Variants in TARS1 observed in about 807,000 individuals in gnomAD.
The protein encoded by TARS1 is threonyl-tRNA synthetase 1.
TARS1 carries 57 observed loss-of-function variants against 97.7 expected under a neutral mutation model. That is an observed-to-expected ratio of 0.58 (90% CI 0.47 to 0.73). The LOEUF is 0.73. TARS1 is among the 30% of genes least tolerant of loss of function. The pLI, the probability that TARS1 is intolerant of heterozygous loss-of-function variation, is 0.00. For missense variants in TARS1, 806 were observed against 888.3 expected, an observed-to-expected ratio of 0.91 and a Z score of 1.18; for synonymous variants, 312 against 293.7, an observed-to-expected ratio of 1.06 and a Z score of -0.64.
At chr5:33,462,841 T>A (rs1260470813) in intron 16 of TARS1, among the ~76,000 whole-genome samples, 2 of 152,130 alleles carry the variant, frequency 1.3e-5, no homozygotes, top group East Asian at 1.9e-4. Context: ...TCATATTGAT[T>A]TAAAACTTTT....
chr5:33,462,328 CAA>C (rs1486136702), intron 16 of TARS1, 125 bp downstream of exon 16: 6 of 822,006 alleles, frequency 7.3e-6, no homozygotes, highest in African/African-American at 3.4e-5. Flanking sequence ...TAACTAACGA[CAA>C]GTGTTCATTA....
chr5:33,451,125 A>G (rs1226001934), intron 3 of TARS1, among the ~76,000 whole-genome samples: 1 of 152,190 alleles, frequency 6.6e-6, no homozygotes, highest in Admixed American at 6.5e-5. Context: ...AGGGAAAAAA[A>G]TAAAAGGTTG....
In TARS1 at chr5:33,455,014, T is replaced by C; in HGVS notation, c.523T>C (p.Tyr175His). Residue 175 changes from tyrosine to histidine, a missense_variant, in exon 5 of 19, where the codon TAC (tyrosine) becomes CAC (histidine). By Grantham distance (83) the Tyr-to-His change is moderately conservative. Around this residue, in one of 3 missense-constraint regions of TARS1, gnomAD observed 356 missense variants for 357.8 expected, o/e 0.99. Coordinates refer to ENST00000265112, the MANE Select transcript of TARS1 (RefSeq NM_152295.5). ...MERVYGGCLCYGPPIENGFYY... is the reference protein window; with the variant it reads ...MERVYGGCLCHGPPIENGFYY... ...AAGAGTCTATGGTGGATGTTTATGC[T>C]ACGGTCCGCCAATAGAAAATGGATT... The C allele has an allele frequency of 6.2e-7, 1 of 1,613,856 alleles. No individual in the cohort carries two copies. The highest frequency in any genetic ancestry group is 8.5e-7 in the Non-Finnish European group (1 of 1,179,892).
intron 1 of TARS1, 83 bp downstream of exon 1, chr5:33,441,226 A>G: frequency 6.4e-7 from 1 of 1,550,558 alleles, no homozygotes; most frequent in Non-Finnish European, 8.9e-7. Flanking sequence ...AGCGGGGGGC[A>G]GGAAGCAGGA....
At chr5:33,449,452 T>A (rs1428115819) in intron 3 of TARS1, among the ~76,000 whole-genome samples, 1 of 118,904 alleles carries the variant, frequency 8.4e-6, no homozygotes, top group African/African-American at 3.9e-5. Context: ...TTTCTTTTTT[T>A]TTTTTTTTTT....
chr5:33,457,206 T>TGA, intron 8 of TARS1, 51 bp from the exon 9 acceptor site: 1 of 1,592,180 alleles, frequency 6.3e-7, no homozygotes, highest in Non-Finnish European at 8.6e-7. Context: ...TTAAAATAAG[T>TGA]GAGATGTTTA....
At chr5:33,466,459 T>C (rs1742532543) in intron 17 of TARS1, among the ~76,000 whole-genome samples, 1 of 152,216 alleles carries the variant, frequency 6.6e-6, no homozygotes, top group African/African-American at 2.4e-5. Flanking sequence ...CTTTCAGGTG[T>C]TGATCGTGTG....
At position 33,458,668 on chromosome 5, in the gene TARS1, A is replaced by T. The variant is rs778929434; in HGVS notation, c.1083+4A>T. 2.5e-6 allele frequency: 4 copies of T among 1,600,976 alleles called. No individual in the cohort carries two copies. Among genetic ancestry groups the T allele is most frequent in the Non-Finnish European group, 3.4e-6 (4 of 1,173,048 alleles). ...TGCACTTATTGAATTCATTAGGGTAAGTCATATTTATTGCTTTCTTCTTTA... is the reference window on the plus strand; with the variant it reads ...TGCACTTATTGAATTCATTAGGGTATGTCATATTTATTGCTTTCTTCTTTA... On this transcript the variant is annotated splice_donor_region_variant and intron_variant, in intron 10 of 18. Coordinates refer to ENST00000265112, the MANE Select transcript of TARS1 (RefSeq NM_152295.5).
Position 33,445,345 on chromosome 5 carries a change from C to T in TARS1, c.79C>T (p.Gln27Ter). 3 of 1,612,514 alleles carry T rather than the reference C, an allele frequency of 1.9e-6. No individual in the cohort carries two copies. The highest frequency in any genetic ancestry group is 1.7e-6 in the Non-Finnish European group (2 of 1,179,096). The change falls in exon 2 of 19, where the codon CAA becomes TAA. Residue 27 changes from glutamine (Q) to a stop codon, truncating the protein, a stop_gained. Transcript: ENST00000265112. LOFTEE classifies it high-confidence loss of function. ...TTAGATTGGTGCTGGTGAAGAGAAGCAAAAGGAAGGAGGCAAAAAGAAGAA... is the reference window on the plus strand; with the variant it reads ...TTAGATTGGTGCTGGTGAAGAGAAGTAAAAGGAAGGAGGCAAAAAGAAGAA... ...EKPIGAGEEK[Q>*]KEGGKKKNKE...
At position 33,461,390 on chromosome 5, in the gene TARS1, A is replaced by G. The variant is rs1332526435; in HGVS notation, c.1551+95A>G. Reference sequence around the variant, plus strand: ...CAAGCCTCTTTAAATGGATAAAAGCAAAATGAAATTGGAAATGGTTCCTAG... The same window carrying G: ...CAAGCCTCTTTAAATGGATAAAAGCGAAATGAAATTGGAAATGGTTCCTAG... On this transcript the variant is annotated intron_variant, in intron 13 of 18. Transcript: ENST00000265112. 7 of 1,487,928 alleles carry G rather than the reference A, an allele frequency of 4.7e-6. No homozygotes were observed. In the East Asian group the frequency reaches 1.4e-4, roughly 29 times the overall value. 92.2% of individuals were successfully genotyped at this position (1,487,928 alleles called of 1,614,324 possible). A position where few individuals can be genotyped will look rare whatever the true frequency, so the allele number is the denominator to read the frequency against.
intron 9 of TARS1, among the ~76,000 whole-genome samples, 185 bp downstream of exon 9, chr5:33,457,588 T>C (rs1178241248): frequency 6.6e-6 from 1 of 152,184 alleles, no homozygotes; most frequent in East Asian, 1.9e-4. Context: ...CTGCCTGGAG[T>C]ATGCTCAGTA....
At chr5:33,448,856 A>C in intron 3 of TARS1, 125 bp downstream of exon 3, 1 of 784,074 alleles carries the variant, frequency 1.3e-6, no homozygotes, top group Non-Finnish European at 1.8e-6. Flanking sequence ...AATCTGTTTA[A>C]TTTTGCCTAC....
chr5:33,441,207 C>T (rs566760065), intron 1 of TARS1, 64 bp downstream of exon 1: 21 of 1,597,340 alleles, frequency 1.3e-5, no homozygotes, highest in Non-Finnish European at 1.6e-5. Flanking sequence ...ACGCTACGCT[C>T]GCGGCGGGAG....
intron 1 of TARS1, among the ~76,000 whole-genome samples, chr5:33,442,355 G>C (rs1741150970): frequency 8.8e-6 from 1 of 113,674 alleles, no homozygotes; most frequent in African/African-American, 3.4e-5. Context: ...TTAATAGAAT[G>C]TGGTCAACAA....
intron 4 of TARS1, among the ~76,000 whole-genome samples, chr5:33,454,441 A>T (rs1741912643): frequency 6.6e-6 from 1 of 152,144 alleles, no homozygotes; most frequent in African/African-American, 2.4e-5. Flanking sequence ...CAGTGTACAG[A>T]TGTTTGTCCT....
intron 8 of TARS1, 30 bp from the exon 9 acceptor site, chr5:33,457,227 T>C (rs1319436665): frequency 6.2e-7 from 1 of 1,603,022 alleles, no homozygotes; most frequent in South Asian, 1.1e-5. Context: ...CAAATTTGAA[T>C]GTTGTTTCAT....
intron 2 of TARS1, 152 bp downstream of exon 2, chr5:33,445,556 A>G (rs1741370775): frequency 1.7e-6 from 1 of 602,858 alleles, no homozygotes; most frequent in Non-Finnish European, 2.8e-6. Flanking sequence ...GAATTAGGAA[A>G]GGGTAATCTG....
chr5:33,465,126 A>G lies in TARS1; in HGVS notation c.1908+1301A>G, dbSNP rs146656933. Among the ~76,000 whole-genome samples, 1,413 of 152,314 alleles carry G rather than the reference A, an allele frequency of 9.3e-3. 32 individuals are homozygous for G. Among genetic ancestry groups the G allele is most frequent in the African/African-American group, 0.032 (1,349 of 41,576 alleles). On this transcript the variant is annotated intron_variant, in intron 17 of 18. Coordinates refer to ENST00000265112, the MANE Select transcript of TARS1 (RefSeq NM_152295.5). Reference sequence around the variant, plus strand: ...AAAAAAATGAAGTGAACACTAAACCATCTAATAGATAAACCATTCAGACTA... The same window carrying G: ...AAAAAAATGAAGTGAACACTAAACCGTCTAATAGATAAACCATTCAGACTA...
Position 33,467,640 on chromosome 5 carries a change from T to C in TARS1, c.2104T>C (p.Ser702Pro), listed in dbSNP as rs149814333. 8.5e-4 allele frequency: 1,370 copies of C among 1,614,042 alleles called. 5 individuals carry two copies. Among genetic ancestry groups the C allele is most frequent in the Admixed American group, 2.6e-3 (153 of 59,982 alleles). Residue 702 changes from serine (S) to proline (P), a missense_variant, in exon 19 of 19, where the codon TCT becomes CCT. Physicochemically the swap from Ser to Pro is moderately conservative, Grantham distance 74. Coordinates refer to ENST00000265112, the MANE Select transcript of TARS1 (RefSeq NM_152295.5). ...TAAGGTCCACGGGGAACGCACCATT[T>C]CTGAAACTATCGAGCGGCTACAGCA... ...DNKVHGERTI[S>P]ETIERLQQLK...
Sources: allele counts gnomAD v4.1 joint callset (sites outside exome capture counted in the v4.1 genomes callset), GRCh38; gene constraint gnomAD v4.1.1; regional missense constraint gnomAD v4.1.1; transcripts MANE v1.5; gene names NCBI Gene and HGNC (gene_info 2026-07-23, HGNC 2026-07-21).